PDE4B: variants seen among roughly 807,000 people sequenced by gnomAD.
PDE4B encodes the protein phosphodiesterase 4B.
PDE4B carries 20 observed loss-of-function variants against 82.2 expected under a neutral mutation model. That is an observed-to-expected ratio of 0.24 (90% CI 0.17 to 0.35). PDE4B has a LOEUF of 0.35. Among genes scored for constraint, PDE4B ranks in the 10% least tolerant of loss-of-function variants. PDE4B has a pLI of 1.00. For synonymous variants in PDE4B, 320 were observed against 318.9 expected (o/e 1.00, Z -0.04); for missense variants, 655 against 907.2 (o/e 0.72, Z 3.57).
chr1:66,355,394 A>G, intron 8 of PDE4B, 133 bp from the exon 9 acceptor site: 1 of 477,570 alleles, frequency 2.1e-6, no homozygotes, highest in Admixed American at 3.9e-5. Flanking sequence ...TATATTTTGT[A>G]GAAACAGTAT....
At chr1:66,353,686 C>T (rs569978573) in intron 8 of PDE4B, among the ~76,000 whole-genome samples, 12 of 152,166 alleles carry the variant, frequency 7.9e-5, no homozygotes, top group South Asian at 2.1e-4. Flanking sequence ...TGTGCTTTAA[C>T]GCTGACAAGG....
At chr1:66,100,688 A>G (rs1487537664) in intron 3 of PDE4B, among the ~76,000 whole-genome samples, 1 of 152,110 alleles carries the variant, frequency 6.6e-6, no homozygotes, top group African/African-American at 2.4e-5. Context: ...GGTTAACTGC[A>G]CATCCCCAAA....
chr1:65,870,853 G>A (rs1346728824), intron 1 of PDE4B, among the ~76,000 whole-genome samples: 1 of 152,150 alleles, frequency 6.6e-6, no homozygotes, highest in Admixed American at 6.5e-5. Context: ...CTGTGACTTA[G>A]GTAGGTCCAG....
chr1:66,050,968 G>T (rs1197341969), intron 3 of PDE4B, among the ~76,000 whole-genome samples: 2 of 152,220 alleles, frequency 1.3e-5, no homozygotes, highest in South Asian at 2.1e-4. Flanking sequence ...CTGAGGCAGA[G>T]TGAGGAATCT....
chr1:66,075,989 A>G (rs1005839332), intron 3 of PDE4B, among the ~76,000 whole-genome samples: 1 of 152,032 alleles, frequency 6.6e-6, no homozygotes, highest in African/African-American at 2.4e-5. Flanking sequence ...TGTGCAGGCC[A>G]TTGATTTACT....
rs965041798 is a variant in PDE4B at position 66,373,510 on chromosome 1, A to G, written c.*832A>G. The G allele has an allele frequency of 1.3e-5, 2 of 152,630 alleles. No homozygotes were observed. Among genetic ancestry groups the G allele is most frequent in the African/African-American group, 2.4e-5 (1 of 41,428 alleles). The allele number at this position is 152,630 out of a possible 1,614,324, so 9.5% of individuals were successfully genotyped here. ...TGCTGTGTCTTGGACCCTGCCCCCC[A>G]CAGGAGTTGTACAGTCCCTGGCCCT... On this transcript the variant is annotated 3_prime_UTR_variant, in exon 17 of 17. Transcript: ENST00000341517.
intron 3 of PDE4B, among the ~76,000 whole-genome samples, chr1:65,919,694 A>C (rs931714637): frequency 6.6e-6 from 1 of 152,206 alleles, no homozygotes; most frequent in Non-Finnish European, 1.5e-5. Flanking sequence ...TTATTGTACA[A>C]CATTATTGTA....
At chr1:65,847,281 C>G (rs534069371) in intron 1 of PDE4B, among the ~76,000 whole-genome samples, 1 of 152,330 alleles carries the variant, frequency 6.6e-6, no homozygotes, top group East Asian at 1.9e-4. Context: ...ACTGAGGGAA[C>G]TGTGGCATAG....
chr1:66,273,122 GA>G (rs1465539161), intron 7 of PDE4B, among the ~76,000 whole-genome samples: 7 of 152,080 alleles, frequency 4.6e-5, no homozygotes, highest in Non-Finnish European at 8.8e-5. Flanking sequence ...TTGCCTTCAA[GA>G]TAAGACCTAA....
chr1:66,157,925 G>A (rs1027109180), intron 3 of PDE4B, among the ~76,000 whole-genome samples: 4 of 151,996 alleles, frequency 2.6e-5, no homozygotes, highest in African/African-American at 9.7e-5. Flanking sequence ...AGCATATTCT[G>A]AGGAAGTATT....
chr1:66,292,210 G>C (rs1399568901), intron 7 of PDE4B, among the ~76,000 whole-genome samples: 1 of 152,176 alleles, frequency 6.6e-6, no homozygotes, highest in Non-Finnish European at 1.5e-5. Context: ...TAACAGGCTT[G>C]ACTATCACTA....
At chr1:65,950,404 G>A (rs538681736) in intron 3 of PDE4B, among the ~76,000 whole-genome samples, 1 of 152,134 alleles carries the variant, frequency 6.6e-6, no homozygotes, top group South Asian at 2.1e-4. Flanking sequence ...CATCTTTACA[G>A]TCTGTCTCTT....
At chr1:66,370,659 T>C (rs1051205996) in intron 16 of PDE4B, among the ~76,000 whole-genome samples, 19 of 152,230 alleles carry the variant, frequency 1.2e-4, no homozygotes, top group African/African-American at 4.3e-4. Flanking sequence ...TCTCTCGTCC[T>C]GTGATCTAGG....
intron 7 of PDE4B, among the ~76,000 whole-genome samples, chr1:66,309,911 G>A (rs1379242841): frequency 6.6e-6 from 1 of 152,134 alleles, no homozygotes; most frequent in Non-Finnish European, 1.5e-5. Context: ...TGATGTACAA[G>A]GCAAACATTG....
intron 8 of PDE4B, among the ~76,000 whole-genome samples, chr1:66,333,991 C>G (rs1660319778): frequency 6.6e-6 from 1 of 152,138 alleles, no homozygotes; most frequent in South Asian, 2.1e-4. Context: ...AAAACTCAAC[C>G]AACTGCTTCC....
Position 65,879,235 on chromosome 1 carries a change from A to C in PDE4B, c.-70-34010A>C, listed in dbSNP as rs944566282. ...TACAAACCCAAAGCAGGGAAGGGAA[A>C]AGAGTGGGTCCCAGGGAAAACAGGC... is the stretch of plus-strand genomic sequence containing the variant. On this transcript the variant is annotated intron_variant, in intron 1 of 16. Coordinates refer to ENST00000341517, the MANE Select transcript of PDE4B (RefSeq NM_002600.4). Among the ~76,000 whole-genome samples, 69 of 152,258 alleles carry C rather than the reference A, an allele frequency of 4.5e-4. 1 individual carries two copies. Among genetic ancestry groups the C allele is most frequent in the African/African-American group, 1.5e-3 (63 of 41,550 alleles).
At position 65,810,219 on chromosome 1, in the gene PDE4B, A is replaced by G. The variant is rs146471672; in HGVS notation, c.-71+16971A>G. On this transcript the variant is annotated intron_variant, in intron 1 of 16. Coordinates refer to ENST00000341517, the MANE Select transcript of PDE4B (RefSeq NM_002600.4). ...TAGTCCACACTTTCTGCTCTAGCAA[A>G]GGTAATTTTTGCTATTTATTTTGAC... Among the ~76,000 whole-genome samples, 465 of 152,348 alleles carry G rather than the reference A, an allele frequency of 3.1e-3. 6 individuals carry two copies. The highest frequency in any genetic ancestry group is 0.011 in the African/African-American group (448 of 41,588).
intron 7 of PDE4B, among the ~76,000 whole-genome samples, chr1:66,280,819 C>T (rs1405887505): frequency 2.0e-5 from 3 of 152,072 alleles, no homozygotes; most frequent in Non-Finnish European, 4.4e-5. Flanking sequence ...TTGGCTCCTG[C>T]CTCTGGTCTT....
chr1:66,001,817 G>T (rs1651880026), intron 3 of PDE4B, among the ~76,000 whole-genome samples: 1 of 152,100 alleles, frequency 6.6e-6, no homozygotes, highest in Non-Finnish European at 1.5e-5. Context: ...CTGCCTCATG[G>T]GTTCAAACTA....
Sources: allele counts gnomAD v4.1 joint callset (sites outside exome capture counted in the v4.1 genomes callset), GRCh38; gene constraint gnomAD v4.1.1; transcripts MANE v1.5; gene names NCBI Gene and HGNC (gene_info 2026-07-23, HGNC 2026-07-21).